Variants in CACNA1C observed in about 807,000 individuals in gnomAD.
CACNA1C encodes the protein calcium voltage-gated channel subunit alpha1 C.
CACNA1C carries 30 observed loss-of-function variants against 229.0 expected under a neutral mutation model. The ratio of observed to expected loss-of-function variants is 0.13; its 90% CI spans 0.10 to 0.18. The LOEUF is 0.18. Ranked by LOEUF, CACNA1C falls within the 10% of genes least tolerant of loss-of-function variation. The pLI is 1.00. For missense variants in CACNA1C, 1,658 were observed against 2,845.0 expected, an observed-to-expected ratio of 0.58 and a Z score of 9.49; for synonymous variants, 1,114 against 1,132.5, an observed-to-expected ratio of 0.98 and a Z score of 0.33.
At chr12:2,563,375 A>G (rs947322653) in intron 11 of CACNA1C, among the ~76,000 whole-genome samples, 2 of 152,234 alleles carry the variant, frequency 1.3e-5, no homozygotes, top group Non-Finnish European at 2.9e-5. Flanking sequence ...TTCAGTATAC[A>G]GATTGGAAAC....
At chr12:2,652,484 T>A (rs1020826237) in intron 32 of CACNA1C, among the ~76,000 whole-genome samples, 1 of 152,214 alleles carries the variant, frequency 6.6e-6, no homozygotes, top group African/African-American at 2.4e-5. Flanking sequence ...GTTTCATGCT[T>A]CCCTGGGCTG....
At chr12:2,206,109 G>C (rs1421610874) in intron 3 of CACNA1C, among the ~76,000 whole-genome samples, 3 of 152,142 alleles carry the variant, frequency 2.0e-5, no homozygotes, top group African/African-American at 2.4e-5. Context: ...TTAGGGAGGG[G>C]GAGGGCGAGC....
intron 1 of CACNA1C, among the ~76,000 whole-genome samples, chr12:2,013,757 G>A (rs757381124): frequency 1.4e-4 from 21 of 152,182 alleles, no homozygotes; most frequent in South Asian, 2.1e-4. Context: ...AAGAAATTAC[G>A]TAGAATCCAG....
chr12:2,049,830 T>G (rs1225558255), upstream of CACNA1C, among the ~76,000 whole-genome samples: 1 of 152,194 alleles, frequency 6.6e-6, no homozygotes, highest in Non-Finnish European at 1.5e-5. Flanking sequence ...CCTTTTGTCA[T>G]GTTGAGAATT....
intron 1 of CACNA1C, among the ~76,000 whole-genome samples, chr12:2,008,487 T>C (rs2043858172): frequency 6.6e-6 from 1 of 152,236 alleles, no homozygotes; most frequent in Non-Finnish European, 1.5e-5. Context: ...GTAGTCTCCC[T>C]AGCACTTGGT....
chr12:2,601,948 C>T lies in CACNA1C; in HGVS notation c.2948C>T (p.Ser983Phe). 6.2e-7 allele frequency: 1 copy of T among 1,610,452 alleles called. No homozygotes were observed. The highest frequency in any genetic ancestry group is 8.5e-7 in the Non-Finnish European group (1 of 1,176,646). The change falls in exon 22 of 47, where the codon TCC becomes TTC. Residue 983 changes from serine to phenylalanine, a missense_variant. By Grantham distance (155) the Ser-to-Phe change is radical (BLOSUM62 -2). Around this residue, in one of 20 missense-constraint regions of CACNA1C, gnomAD observed 39 missense variants for 143.3 expected, o/e 0.27. Transcript: ENST00000399655. This position sits in a 1 kb window ranked among gnomAD's most constrained non-coding sequence, Gnocchi z 5.9. The stretch of plus-strand genomic sequence containing the variant: ...CTGGTGGTCAGCGTGTCCCTCATCT[C>T]CTTTGGCATCCAGTGAGTGGGAGCC... Reference protein sequence around the residue: ...DLLVVSVSLISFGIQSSAINV... With the variant: ...DLLVVSVSLIFFGIQSSAINV...
At chr12:2,048,822 A>G (rs944519353), upstream of CACNA1C, among the ~76,000 whole-genome samples, 3 of 152,198 alleles carry the variant, frequency 2.0e-5, no homozygotes, top group South Asian at 4.1e-4. Flanking sequence ...CTGCTTGGCA[A>G]CCTGGCTTTT....
intron 5 of CACNA1C, among the ~76,000 whole-genome samples, chr12:2,474,018 G>C (rs961531188): frequency 7.4e-6 from 1 of 135,136 alleles, no homozygotes; most frequent in Non-Finnish European, 1.6e-5. Flanking sequence ...GAAAGCTGTT[G>C]CCTGGGTATA....
Position 2,113,742 on chromosome 12 carries a change from C to T in CACNA1C, c.50-1482C>T, listed in dbSNP as rs903312586. Among the ~76,000 whole-genome samples, 4 of 152,230 alleles carry T rather than the reference C, an allele frequency of 2.6e-5. No homozygotes were observed. In the East Asian group the frequency reaches 7.7e-4, roughly 29 times the overall value. ...CACGTCTCAAGGTCATGCATGTGTT[C>T]TGGGAGATTCAGGTTTGGGCCAGGC... On this transcript the variant is annotated intron_variant, in intron 1 of 46. Transcript: ENST00000399655.
chr12:2,489,920 A>C (rs1455772486), intron 6 of CACNA1C, among the ~76,000 whole-genome samples: 2 of 152,216 alleles, frequency 1.3e-5, no homozygotes, highest in Non-Finnish European at 2.9e-5. Context: ...TTTCCTCCCC[A>C]GGACTTCATG....
intron 34 of CACNA1C, among the ~76,000 whole-genome samples, chr12:2,655,895 C>T (rs2095394093): frequency 6.6e-6 from 1 of 152,150 alleles, no homozygotes; most frequent in South Asian, 2.1e-4. Context: ...AATTCAACAT[C>T]CTTTCATGAT....
In CACNA1C at chr12:2,647,661, G is replaced by T. The variant is rs1227167458; in HGVS notation, c.3913-814G>T. ...CCCTCCTCAGTGTTGACTTGAAGTCGGTCTCCCCTAAACCTGAGAGGCCAC... is the reference window on the plus strand; with the variant it reads ...CCCTCCTCAGTGTTGACTTGAAGTCTGTCTCCCCTAAACCTGAGAGGCCAC... On this transcript the variant is annotated intron_variant, in intron 30 of 46. Transcript: ENST00000399655. This position sits in a 1 kb window ranked among gnomAD's most constrained non-coding sequence, Gnocchi z 4.2. Among the ~76,000 whole-genome samples, 1 of 152,136 alleles carries T rather than the reference G, an allele frequency of 6.6e-6. No individual in the cohort carries two copies. The highest frequency in any genetic ancestry group is 2.4e-5 in the African/African-American group (1 of 41,412).
At chr12:2,618,494 A>G (rs554933607) in intron 29 of CACNA1C, among the ~76,000 whole-genome samples, 19 of 152,370 alleles carry the variant, frequency 1.2e-4, no homozygotes, top group African/African-American at 4.3e-4. Flanking sequence ...AGGTGTGGCA[A>G]AGGCCACGAG....
chr12:2,677,369 T>G lies in CACNA1C; in HGVS notation c.4956+148T>G. On this transcript the variant is annotated intron_variant, in intron 40 of 46. Coordinates refer to ENST00000399655, the MANE Select transcript of CACNA1C (RefSeq NM_000719.7). The surrounding 1 kb of genome is among the most constrained non-coding windows in gnomAD (Gnocchi z 7.4). ...AGAGAGCTCCAGACCTTTCCAAAGA[T>G]GGCTGTGAGAAGGGGGTGATGTGCC... 1 of 881,526 alleles carries G rather than the reference T, an allele frequency of 1.1e-6. No homozygotes were observed. The highest frequency in any genetic ancestry group is 1.7e-6 in the Non-Finnish European group (1 of 592,862). 54.6% of individuals were successfully genotyped at this position (881,526 alleles called of 1,614,324 possible). A position where few individuals can be genotyped will look rare whatever the true frequency, so the allele number is the denominator to read the frequency against.
chr12:2,563,457 G>A (rs2048572127), intron 11 of CACNA1C, among the ~76,000 whole-genome samples: 1 of 152,220 alleles, frequency 6.6e-6, no homozygotes, highest in Admixed American at 6.5e-5. Flanking sequence ...AGTGTCGCAT[G>A]TTAAGGTGTG....
chr12:2,420,077 C>T, intron 3 of CACNA1C, among the ~76,000 whole-genome samples: 1 of 144,680 alleles, frequency 6.9e-6, no homozygotes, highest in Non-Finnish European at 1.5e-5. Flanking sequence ...CGCAGCCAGA[C>T]AGGGTAATCA....
At chr12:2,522,821 G>T (rs1293672662) in intron 9 of CACNA1C, among the ~76,000 whole-genome samples, 1 of 152,150 alleles carries the variant, frequency 6.6e-6, no homozygotes. Context: ...CTTTCATCTT[G>T]CCCAAGATCA....
chr12:2,351,225 C>A (rs557542948), intron 3 of CACNA1C, among the ~76,000 whole-genome samples: 1 of 152,296 alleles, frequency 6.6e-6, no homozygotes, highest in Non-Finnish European at 1.5e-5. Flanking sequence ...TCACGCCGTA[C>A]CCCCAGCTGT....
rs540817526 is a variant in CACNA1C at position 2,512,671 on chromosome 12, C to T, written c.1218-141C>T. 4.0e-5 allele frequency: 24 copies of T among 606,384 alleles called. No homozygotes were observed. Among genetic ancestry groups the T allele is most frequent in the African/African-American group, 2.2e-4 (12 of 53,736 alleles). 37.6% of individuals were successfully genotyped at this position (606,384 alleles called of 1,614,324 possible). On this transcript the variant is annotated intron_variant, in intron 8 of 46. Transcript: ENST00000399655. The surrounding 1 kb of genome is among the most constrained non-coding windows in gnomAD (Gnocchi z 4.3). ...CGGAGCTGTCTGTGGAAAGTAGGGG[C>T]GTGTGGGCAGGTTTCTCCCTGCAAA...
Sources: gnomAD v4.1 joint callset for allele counts (sites outside exome capture counted in the v4.1 genomes callset) on GRCh38, gnomAD v4.1.1 for gene constraint, gnomAD v4.1.1 regional missense constraint, Gnocchi (gnomAD v3.1) non-coding constraint, MANE v1.5 for transcripts, NCBI Gene and HGNC (gene_info 2026-07-23, HGNC 2026-07-21) for gene names.